EFNB1: variants seen among roughly 807,000 people sequenced by gnomAD.
EFNB1 encodes ephrin-B1.
A neutral mutation model predicts 18.1 loss-of-function variants in EFNB1; 1 was observed. The observed-to-expected ratio is 0.06, with a 90% CI of 0.02 to 0.26. The LOEUF is 0.26. Ranked by LOEUF, EFNB1 falls within the 10% of genes least tolerant of loss-of-function variation. The pLI is 1.00. For missense variants in EFNB1, 221 were observed against 301.8 expected (o/e 0.73, Z 1.98); for synonymous variants, 131 against 127.5 (o/e 1.03, Z -0.19).
rs981286230 is a variant in EFNB1 at position 68,841,395 on chromosome X, C to T, written c.*741C>T. 1 of 85,624 alleles carries T rather than the reference C, an allele frequency of 1.2e-5. No homozygotes were observed. The highest frequency in any genetic ancestry group is 5.1e-5 in the African/African-American group (1 of 19,695). 7.1% of individuals were successfully genotyped at this position (85,624 alleles called of 1,213,427 possible). On this transcript the variant is annotated 3_prime_UTR_variant, in exon 5 of 5. Transcript: ENST00000204961. The stretch of plus-strand genomic sequence containing the variant: ...CACACACACACACACAAAAAAAAAT[C>T]CCTTCCTTGTGGGATTCTTGGGCAT...
chrX:68,830,074 C>T (rs1209488704), intron 1 of EFNB1, among the ~76,000 whole-genome samples, 170 bp downstream of exon 1: 1 of 104,331 alleles, frequency 9.6e-6, no homozygotes, highest in Non-Finnish European at 2.0e-5. Context: ...CAGGGTGCGG[C>T]GGGGTGGGGT....
intron 1 of EFNB1, among the ~76,000 whole-genome samples, chrX:68,838,182 C>T (rs1185800509): frequency 3.0e-4 from 26 of 86,332 alleles, no homozygotes; most frequent in Non-Finnish European, 4.4e-4. Context: ...TGCGCGCGCG[C>T]GCGCGCACGT....
chrX:68,833,621 T>C (rs1490272874), intron 1 of EFNB1, among the ~76,000 whole-genome samples: 2 of 111,855 alleles, frequency 1.8e-5, no homozygotes. Context: ...CTGTGACTAT[T>C]AGAGGAGCTG....
Position 68,840,920 on chromosome X carries a change from G to A in EFNB1, c.*266G>A. On this transcript the variant is annotated 3_prime_UTR_variant, in exon 5 of 5. Coordinates refer to ENST00000204961, the MANE Select transcript of EFNB1 (RefSeq NM_004429.5). ...CGCCCCTTCTTGGAAGGCAGGGCTG[G>A]ACACTGATGGACAGCAGGCAGGGAG... 2.5e-6 allele frequency: 1 copy of A among 405,925 alleles called. No homozygotes were observed. Among genetic ancestry groups the A allele is most frequent in the Non-Finnish European group, 4.3e-6 (1 of 232,496 alleles). The allele number at this position is 405,925 out of a possible 1,213,427, so 33.5% of individuals were successfully genotyped here. A position where few individuals can be genotyped will look rare whatever the true frequency, so the allele number is the denominator to read the frequency against.
chrX:68,841,510 G>A lies in EFNB1; in HGVS notation c.*856G>A, dbSNP rs749040540. Reference sequence around the variant, plus strand: ...AGCTGCTGCAGGCAGATGACCTCATGGGGGGTGGAGGGAGGTGAGGTGCCC... The same window carrying A: ...AGCTGCTGCAGGCAGATGACCTCATAGGGGGTGGAGGGAGGTGAGGTGCCC... On this transcript the variant is annotated 3_prime_UTR_variant, in exon 5 of 5. Coordinates refer to ENST00000204961, the MANE Select transcript of EFNB1 (RefSeq NM_004429.5). 1 of 112,984 alleles carries A rather than the reference G, an allele frequency of 8.9e-6. No homozygotes were observed. Among genetic ancestry groups the A allele is most frequent in the South Asian group, 3.7e-4 (1 of 2,728 alleles). 9.3% of individuals were successfully genotyped at this position (112,984 alleles called of 1,213,427 possible).
Position 68,840,750 on chromosome X carries a change from C to A in EFNB1, c.*96C>A, listed in dbSNP as rs2080476014. 1.0e-6 allele frequency: 1 copy of A among 958,379 alleles called. No individual in the cohort carries two copies. The highest frequency in any genetic ancestry group is 1.4e-6 in the Non-Finnish European group (1 of 691,680). 79.0% of individuals were successfully genotyped at this position (958,379 alleles called of 1,213,427 possible). ...CCCCTCCCCTTGCCAGCTGTGCCCA[C>A]CTTTGTATTTAGTTTTGTAGTTTCT... On this transcript the variant is annotated 3_prime_UTR_variant, in exon 5 of 5. Transcript: ENST00000204961.
chrX:68,838,535 G>T, intron 1 of EFNB1, 82 bp from the exon 2 acceptor site: 2 of 1,144,184 alleles, frequency 1.7e-6, no homozygotes, highest in Admixed American at 4.5e-5. Context: ...GCCCAGCCCG[G>T]CTCTTGTCCG....
At chrX:68,834,666 T>A (rs2080456041) in intron 1 of EFNB1, among the ~76,000 whole-genome samples, 1 of 112,996 alleles carries the variant, frequency 8.8e-6, no homozygotes, top group Non-Finnish European at 1.9e-5. Flanking sequence ...GGGTCTGTCC[T>A]CCATTGGTCT....
rs1321655578 is a variant in EFNB1, at chrX:68,840,930, G to A, written c.*276G>A. The A allele has an allele frequency of 1.2e-5, 5 of 401,161 alleles. No individual in the cohort carries two copies. Among genetic ancestry groups the A allele is most frequent in the Non-Finnish European group, 2.2e-5 (5 of 230,306 alleles). 33.1% of individuals were successfully genotyped at this position (401,161 alleles called of 1,213,427 possible). On this transcript the variant is annotated 3_prime_UTR_variant, in exon 5 of 5. Coordinates refer to ENST00000204961, the MANE Select transcript of EFNB1 (RefSeq NM_004429.5). ...TGGAAGGCAGGGCTGGACACTGATG[G>A]ACAGCAGGCAGGGAGACAGTCCCCT...
At position 68,840,358 on chromosome X, in the gene EFNB1, G is replaced by GTCATCTTCCTGCTCATCA; in HGVS notation, c.757_774dup (p.Leu253_Leu258dup). On this transcript the variant is annotated inframe_insertion, in exon 5 of 5. Transcript: ENST00000204961. ...GTTCGCGGCTGTCGGTGCCGGTTGC[G>GTCATCTTCCTGCTCATCA]TCATCTTCCTGCTCATCATCATCTT... is the stretch of plus-strand genomic sequence containing the variant. 8.3e-7 allele frequency: 1 copy of GTCATCTTCCTGCTCATCA among 1,211,825 alleles called. No individual in the cohort carries two copies. Among genetic ancestry groups the GTCATCTTCCTGCTCATCA allele is most frequent in the Non-Finnish European group, 1.1e-6 (1 of 895,528 alleles).
chrX:68,837,688 A>G (rs932715786), intron 1 of EFNB1, among the ~76,000 whole-genome samples: 1 of 112,104 alleles, frequency 8.9e-6, no homozygotes, highest in Admixed American at 9.4e-5. Context: ...GGATTAGAAT[A>G]TGAACCTGGC....
In EFNB1 at chrX:68,838,725, C is replaced by T. The variant is rs750035783; in HGVS notation, c.237C>T (p.Tyr79=). The change falls in exon 2 of 5, where the codon TAC becomes TAT. Residue 79 remains tyrosine (Y), a synonymous_variant. Coordinates refer to ENST00000204961, the MANE Select transcript of EFNB1 (RefSeq NM_004429.5). ...AGRPYEYYKL[Y]LVRPEQAAAC... ...GGCCCTATGAGTACTACAAGCTGTA[C>T]CTGGTGCGGCCTGAGCAGGCAGCTG... 3 of 1,209,721 alleles carry T rather than the reference C, an allele frequency of 2.5e-6. No individual in the cohort carries two copies. Among genetic ancestry groups the T allele is most frequent in the Non-Finnish European group, 3.4e-6 (3 of 895,033 alleles).
chrX:68,830,599 G>A (rs948382790), intron 1 of EFNB1, among the ~76,000 whole-genome samples: 11 of 112,448 alleles, frequency 9.8e-5, no homozygotes, highest in African/African-American at 3.6e-4. Flanking sequence ...GGTAGTGGGG[G>A]TTCGAACCAG....
intron 1 of EFNB1, among the ~76,000 whole-genome samples, chrX:68,830,260 G>A (rs749452295): frequency 5.6e-4 from 63 of 111,954 alleles, no homozygotes; most frequent in African/African-American, 1.9e-3. Flanking sequence ...TGGGAACGTG[G>A]TGATTTTCGC....
Position 68,839,674 on chromosome X carries a change from T to C in EFNB1, c.417T>C (p.Asn139=), listed in dbSNP as rs1275279747. ...GGCCTCTTCCTGCAGCAACATCCAA[T>C]GGAAGCCTGGAGGGGCTGGAAAACC... is the stretch of plus-strand genomic sequence containing the variant. The part of the protein sequence containing the change: ...HHDYYITSTS[N]GSLEGLENRE... Residue 139 remains asparagine, a synonymous_variant, in exon 3 of 5, where the codon AAT becomes AAC. Transcript: ENST00000204961. 8.3e-7 allele frequency: 1 copy of C among 1,209,446 alleles called. No homozygotes were observed. The highest frequency in any genetic ancestry group is 1.7e-5 in the African/African-American group (1 of 57,230).
Position 68,829,209 on chromosome X carries a change from A to C in EFNB1, c.-568A>C, listed in dbSNP as rs534650507. 13 of 138,679 alleles carry C rather than the reference A, an allele frequency of 9.4e-5. No homozygotes were observed. The South Asian group carries it at 2.6e-3, about 28-fold the overall frequency. 11.4% of individuals were successfully genotyped at this position (138,679 alleles called of 1,213,427 possible). On this transcript the variant is annotated 5_prime_UTR_variant, in exon 1 of 5. Coordinates refer to ENST00000204961, the MANE Select transcript of EFNB1 (RefSeq NM_004429.5). ...CCCCGCTCTTCTAAGTACACTGAGC[A>C]GGGCCCGCGCTGAAGTAGAAGCTGT...
Position 68,838,867 on chromosome X carries a change from A to G in EFNB1, c.379A>G (p.Lys127Glu). The G allele has an allele frequency of 1.7e-6, 2 of 1,202,157 alleles. 1 individual carries two copies. The highest frequency in any genetic ancestry group is 3.6e-5 in the South Asian group (2 of 55,217). The change falls in exon 2 of 5, where the codon AAG (lysine) becomes GAG (glutamate). Residue 127 changes from lysine to glutamate, a missense_variant. Lys to Glu is a moderately conservative substitution (Grantham distance 56). Coordinates refer to ENST00000204961, the MANE Select transcript of EFNB1 (RefSeq NM_004429.5). ...FSPNYMGLEF[K>E]KHHDYYITST... Reference sequence around the variant, plus strand: ...CCCCAACTACATGGGCCTGGAGTTCAAGAAGCACCATGATTACTACATTAC... The same window carrying G: ...CCCCAACTACATGGGCCTGGAGTTCGAGAAGCACCATGATTACTACATTAC...
Position 68,829,393 on chromosome X carries a change from T to G in EFNB1, c.-384T>G. The G allele has an allele frequency of 5.0e-6, 1 of 201,615 alleles. No homozygotes were observed. Among genetic ancestry groups the G allele is most frequent in the Non-Finnish European group, 9.0e-6 (1 of 111,187 alleles). The allele number at this position is 201,615 out of a possible 1,213,427, so 16.6% of individuals were successfully genotyped here. A position where few individuals can be genotyped will look rare whatever the true frequency, so the allele number is the denominator to read the frequency against. On this transcript the variant is annotated 5_prime_UTR_variant, in exon 1 of 5. Transcript: ENST00000204961. ...CGGGACGGTCGAGGCGTCGGGGCGG[T>G]CACCGAGACCTCTGCGGGAAGACCC...
At chrX:68,833,367 C>T (rs1484163913) in intron 1 of EFNB1, among the ~76,000 whole-genome samples, 1 of 112,259 alleles carries the variant, frequency 8.9e-6, no homozygotes, top group Non-Finnish European at 1.9e-5. Context: ...TCCCCTCTCC[C>T]ACATAGGGCA....
Sources: allele counts gnomAD v4.1 joint callset (sites outside exome capture counted in the v4.1 genomes callset), GRCh38; gene constraint gnomAD v4.1.1; transcripts MANE v1.5; gene names NCBI Gene and HGNC (gene_info 2026-07-23, HGNC 2026-07-21).